KLHL32: variants seen among roughly 807,000 people sequenced by gnomAD.
The protein encoded by KLHL32 is kelch like family member 32, also known as kelch-like protein 32.
Under a neutral mutation model 64.8 loss-of-function variants are expected in KLHL32, and 35 were observed. The observed-to-expected ratio is 0.54, with a 90% confidence interval of 0.41 to 0.72. The LOEUF (loss-of-function observed/expected upper bound fraction) is 0.72. Among genes scored for constraint, KLHL32 ranks in the 30% least tolerant of loss-of-function variants. KLHL32 has a pLI of 0.00. For missense variants in KLHL32, 589 were observed against 768.5 expected (o/e 0.77, Z 2.76); for synonymous variants, 259 against 281.0 (o/e 0.92, Z 0.78).
At chr6:96,940,155 C>T (rs979065550) in intron 1 of KLHL32, among the ~76,000 whole-genome samples, 2 of 151,964 alleles carry the variant, frequency 1.3e-5, no homozygotes, top group Admixed American at 6.6e-5. Flanking sequence ...GTGATTATGG[C>T]AATATTAAAT....
chr6:97,048,479 C>G (rs1413980912), intron 4 of KLHL32, among the ~76,000 whole-genome samples: 1 of 152,138 alleles, frequency 6.6e-6, no homozygotes, highest in Non-Finnish European at 1.5e-5. Flanking sequence ...TTTTGGCAAT[C>G]AAGAAAACTA....
intron 1 of KLHL32, among the ~76,000 whole-genome samples, chr6:96,932,604 T>C (rs1304075520): frequency 7.5e-6 from 1 of 133,214 alleles, no homozygotes; most frequent in Non-Finnish European, 1.6e-5. Flanking sequence ...ATTCTCGCTC[T>C]GTCACCCAGG....
chr6:97,064,660 G>T lies in KLHL32; in HGVS notation c.345G>T (p.Val115=), dbSNP rs1789429653. Residue 115 remains valine (V), a synonymous_variant, in exon 5 of 11, where the codon GTG becomes GTT. Transcript: ENST00000369261. ...TGGAGCCAGGTGTGATCCAGGATGT[G>T]CTAGCAGCGGGCAGTCACCTACAGC... ...ILLEPGVIQD[V]LAAGSHLQLL... is the part of the protein sequence containing the mutation. 6.2e-7 allele frequency: 1 copy of T among 1,614,126 alleles called. No homozygotes were observed. Among genetic ancestry groups the T allele is most frequent in the Non-Finnish European group, 8.5e-7 (1 of 1,179,990 alleles).
At chr6:96,913,819 T>TC in the KLHL32 span, among the ~76,000 whole-genome samples, 1 of 152,164 alleles carries the variant, frequency 6.6e-6, no homozygotes, top group Non-Finnish European at 1.5e-5. Context: ...CACTGTCCCC[T>TC]CCGTCATGGG....
chr6:97,137,737 T>C (rs1057253013), intron 10 of KLHL32, among the ~76,000 whole-genome samples: 1 of 152,154 alleles, frequency 6.6e-6, no homozygotes, highest in Non-Finnish European at 1.5e-5. Context: ...GGTTTCACCA[T>C]GTTAGCCAGG....
At chr6:96,947,435 G>A (rs186621647) in intron 1 of KLHL32, among the ~76,000 whole-genome samples, 5 of 152,212 alleles carry the variant, frequency 3.3e-5, no homozygotes, top group Admixed American at 6.5e-5. Context: ...TAGGAACATC[G>A]ATACAATTTA....
chr6:96,980,043 A>G (rs1300067469), intron 3 of KLHL32, among the ~76,000 whole-genome samples: 2 of 152,166 alleles, frequency 1.3e-5, no homozygotes, highest in Non-Finnish European at 1.5e-5. Context: ...GTTGTTTATC[A>G]GATTTAGGAG....
chr6:97,129,940 G>A (rs184560844), intron 8 of KLHL32, among the ~76,000 whole-genome samples: 117 of 152,156 alleles, frequency 7.7e-4, no homozygotes, highest in African/African-American at 2.8e-3. Flanking sequence ...ACAAATAAAT[G>A]TGTGCCTAGA....
chr6:97,089,384 T>G (rs1793883790), intron 6 of KLHL32, among the ~76,000 whole-genome samples: 1 of 152,244 alleles, frequency 6.6e-6, no homozygotes, highest in South Asian at 2.1e-4. Flanking sequence ...TTAAGGAAAT[T>G]TATTTCACCT....
intron 4 of KLHL32, among the ~76,000 whole-genome samples, chr6:97,047,037 A>G (rs1786041004): frequency 6.6e-6 from 1 of 152,182 alleles, no homozygotes. Flanking sequence ...GGAAGTATAG[A>G]GTGGGAGTGA....
At chr6:96,967,205 T>C (rs1774551680) in intron 2 of KLHL32, 122 bp downstream of exon 2, 2 of 811,172 alleles carry the variant, frequency 2.5e-6, no homozygotes, top group Non-Finnish European at 3.9e-6. Flanking sequence ...ATCAAACTAG[T>C]CAGAGCTTTT....
chr6:97,107,154 G>C (rs536291934), intron 6 of KLHL32, among the ~76,000 whole-genome samples: 1 of 152,000 alleles, frequency 6.6e-6, no homozygotes, highest in Non-Finnish European at 1.5e-5. Context: ...TTAGCTGGGC[G>C]TGGTGGCAGG....
intron 1 of KLHL32, among the ~76,000 whole-genome samples, chr6:96,941,573 G>A (rs549623402): frequency 1.3e-5 from 2 of 152,270 alleles, no homozygotes; most frequent in East Asian, 1.9e-4. Context: ...TTGATATGAT[G>A]TGATGACCAA....
chr6:97,059,818 G>A (rs1788584004), intron 4 of KLHL32, among the ~76,000 whole-genome samples: 1 of 152,120 alleles, frequency 6.6e-6, no homozygotes, highest in Admixed American at 6.5e-5. Context: ...TCATTTAACA[G>A]CTATTTATGC....
At chr6:97,062,942 G>A (rs929221176) in intron 4 of KLHL32, among the ~76,000 whole-genome samples, 4 of 152,132 alleles carry the variant, frequency 2.6e-5, no homozygotes, top group African/African-American at 9.7e-5. Context: ...AGTATATGAG[G>A]GAGTGGCCCA....
At chr6:97,041,360 T>C in intron 3 of KLHL32, 132 bp from the exon 4 acceptor site, 1 of 621,464 alleles carries the variant, frequency 1.6e-6, no homozygotes, top group Admixed American at 2.7e-5. Flanking sequence ...TGACACTTTC[T>C]AGAAGCATTT....
At chr6:96,928,466 A>G (rs538455082) in intron 1 of KLHL32, among the ~76,000 whole-genome samples, 1 of 152,296 alleles carries the variant, frequency 6.6e-6, no homozygotes, top group Admixed American at 6.5e-5. Flanking sequence ...GGATGGAGGA[A>G]GACAAATTTG....
intron 3 of KLHL32, among the ~76,000 whole-genome samples, chr6:96,994,266 CCT>C (rs1778192821): frequency 6.6e-6 from 1 of 152,134 alleles, no homozygotes; most frequent in Non-Finnish European, 1.5e-5. Context: ...GTAATTTGTG[CCT>C]CTCACAATAC....
intron 3 of KLHL32, among the ~76,000 whole-genome samples, chr6:97,023,035 T>C (rs948632863): frequency 6.6e-6 from 1 of 152,142 alleles, no homozygotes; most frequent in Non-Finnish European, 1.5e-5. Flanking sequence ...TCACTGACTG[T>C]CATGAGAACA....
Sources: allele counts gnomAD v4.1 joint callset (sites outside exome capture counted in the v4.1 genomes callset), GRCh38; gene constraint gnomAD v4.1.1; transcripts MANE v1.5; gene names NCBI Gene and HGNC (gene_info 2026-07-23, HGNC 2026-07-21).